The following MECOM variants were observed in gnomAD, a reference collection of about 807,000 sequenced individuals.
MECOM encodes the protein histone-lysine N-methyltransferase MECOM.
A neutral mutation model predicts 116.3 loss-of-function variants in MECOM; 13 were observed. The observed-to-expected ratio is 0.11, with a 90% CI of 0.07 to 0.18. MECOM has a LOEUF of 0.18. Ranked by LOEUF, MECOM falls within the 10% of genes least tolerant of loss-of-function variation. MECOM has a pLI of 1.00. For synonymous variants in MECOM, 528 were observed against 535.2 expected (o/e 0.99, Z 0.19); for missense variants, 1,299 against 1,509.0 (o/e 0.86, Z 2.31).
At chr3:169,227,927 C>T (rs1752936332) in intron 2 of MECOM, among the ~76,000 whole-genome samples, 1 of 152,096 alleles carries the variant, frequency 6.6e-6, no homozygotes, top group African/African-American at 2.4e-5. Context: ...CTGATGGGAA[C>T]CATTGTTTTC....
intron 2 of MECOM, among the ~76,000 whole-genome samples, chr3:169,347,755 G>A (rs1230828585): frequency 6.6e-6 from 1 of 152,048 alleles, no homozygotes; most frequent in Admixed American, 6.6e-5. Context: ...TAGAAATTCT[G>A]TGTGGATGAC....
chr3:169,319,684 T>C (rs1408173330), intron 2 of MECOM, among the ~76,000 whole-genome samples: 2 of 152,186 alleles, frequency 1.3e-5, no homozygotes, highest in South Asian at 2.1e-4. Flanking sequence ...ATTTTGGAAA[T>C]GAGAGTCTTA....
At chr3:169,313,320 A>T (rs1415410808) in intron 2 of MECOM, among the ~76,000 whole-genome samples, 3 of 152,322 alleles carry the variant, frequency 2.0e-5, no homozygotes, top group Admixed American at 2.0e-4. Flanking sequence ...TGCTCTAAAG[A>T]GGAGGAGAAA....
intron 2 of MECOM, among the ~76,000 whole-genome samples, chr3:169,378,461 GCAAGC>G (rs1731596245): frequency 6.3e-5 from 3 of 47,690 alleles, no homozygotes; most frequent in Non-Finnish European, 1.1e-4. Flanking sequence ...AGGAAAGCAA[GCAAGC>G]AAGCAAGCAA....
chr3:169,555,532 G>A (rs548019041), intron 1 of MECOM, among the ~76,000 whole-genome samples: 3 of 152,166 alleles, frequency 2.0e-5, no homozygotes, highest in Admixed American at 6.5e-5. Flanking sequence ...CCAAACAGGG[G>A]TCTAACAATG....
intron 13 of MECOM, among the ~76,000 whole-genome samples, chr3:169,093,339 A>T (rs1466075898): frequency 6.6e-6 from 1 of 152,178 alleles, no homozygotes; most frequent in Non-Finnish European, 1.5e-5. Context: ...CTCGCAAAGA[A>T]GGTGCTTCTC....
chr3:169,361,130 T>C (rs977231377), intron 2 of MECOM, among the ~76,000 whole-genome samples: 3 of 151,816 alleles, frequency 2.0e-5, no homozygotes, highest in Non-Finnish European at 2.9e-5. Flanking sequence ...GAACGCTTTA[T>C]GAAGGTTTAA....
Position 169,131,433 on chromosome 3 carries a change from G to T in MECOM, c.609C>A (p.Ile203=), listed in dbSNP as rs759913879. 1 of 1,613,676 alleles carries T rather than the reference G, an allele frequency of 6.2e-7. No homozygotes were observed. The highest frequency in any genetic ancestry group is 1.3e-5 in the African/African-American group (1 of 74,906). Residue 203 remains isoleucine, a synonymous_variant, in exon 4 of 17, where the codon ATC becomes ATA. Transcript: ENST00000651503. ...GGTGGCGTGAGTGGTACTAACCGTG[G>T]ATATCCGGCGCCATAGTTTCATGGG... The part of the protein sequence containing the change: ...DYPHETMAPD[I]HEERQYRCED...
At chr3:169,633,867 A>G (rs948409740) in intron 1 of MECOM, among the ~76,000 whole-genome samples, 1 of 151,280 alleles carries the variant, frequency 6.6e-6, no homozygotes, top group African/African-American at 2.4e-5. Flanking sequence ...AGAAAAAGGA[A>G]AAAGAAAGAG....
chr3:169,454,193 C>T (rs970416690), intron 1 of MECOM, among the ~76,000 whole-genome samples: 2 of 152,058 alleles, frequency 1.3e-5, no homozygotes, highest in Admixed American at 6.6e-5. Flanking sequence ...CAGTGCCAAG[C>T]GAGTAATTTG....
chr3:169,448,800 G>A lies in MECOM; in HGVS notation c.38-67276C>T, dbSNP rs138626224. Among the ~76,000 whole-genome samples, 557 of 152,140 alleles carry A rather than the reference G, an allele frequency of 3.7e-3. 2 individuals are homozygous for A. Among genetic ancestry groups the A allele is most frequent in the Non-Finnish European group, 6.3e-3 (429 of 67,972 alleles). On this transcript the variant is annotated intron_variant, in intron 1 of 16. Coordinates refer to ENST00000651503, the MANE Select transcript of MECOM (RefSeq NM_004991.4). ...AATAAATGAAAGAGATCAACTGTTC[G>A]GTGGTTTGAGGAGGGTGGAAAATCA...
At chr3:169,279,267 A>G (rs1759987905) in intron 2 of MECOM, among the ~76,000 whole-genome samples, 1 of 152,158 alleles carries the variant, frequency 6.6e-6, no homozygotes, top group African/African-American at 2.4e-5. Flanking sequence ...TGAGGTTTGA[A>G]TCATGCCTTT....
At chr3:169,194,513 T>G (rs1748151106) in intron 2 of MECOM, among the ~76,000 whole-genome samples, 1 of 152,054 alleles carries the variant, frequency 6.6e-6, no homozygotes, top group Non-Finnish European at 1.5e-5. Context: ...AGCTTGTTTG[T>G]AAACATCTTA....
chr3:169,237,610 CAAAAAAAAA>C (rs775383808), intron 2 of MECOM, among the ~76,000 whole-genome samples: 7 of 80,646 alleles, frequency 8.7e-5, no homozygotes, highest in Non-Finnish European at 9.9e-5. Context: ...GTCTCCATCA[CAAAAAAAAA>C]AAAAAAAAAA....
intron 1 of MECOM, among the ~76,000 whole-genome samples, chr3:169,435,848 A>G (rs932595764): frequency 1.3e-5 from 2 of 152,220 alleles, no homozygotes; most frequent in Admixed American, 6.5e-5. Context: ...CAATAGCAGT[A>G]AAGTGCCATT....
Position 169,116,621 on chromosome 3 carries a change from C to T in MECOM, c.1251G>A (p.Thr417=), listed in dbSNP as rs747734124. Residue 417 remains threonine, a synonymous_variant, in exon 8 of 17, where the codon ACG becomes ACA. Coordinates refer to ENST00000651503, the MANE Select transcript of MECOM (RefSeq NM_004991.4). ...ACCTCCTGTGTTTATTTAAGGAAGA[C>T]GTAGTGCTGAACATTTGTCCACAGT... ...CKDCGQMFST[T]SSLNKHRRFC... The T allele has an allele frequency of 6.8e-6, 11 of 1,614,156 alleles. No homozygotes were observed. The South Asian group carries it at 7.7e-5, about 11-fold the overall frequency.
At chr3:169,122,761 G>C in intron 5 of MECOM, 34 bp from the exon 6 acceptor site, 1 of 1,605,122 alleles carries the variant, frequency 6.2e-7, no homozygotes, top group Non-Finnish European at 8.5e-7. Flanking sequence ...AAAAGACAAA[G>C]GATGCATTCA....
At chr3:169,370,896 C>A (rs748194518) in intron 2 of MECOM, among the ~76,000 whole-genome samples, 2 of 151,828 alleles carry the variant, frequency 1.3e-5, no homozygotes, top group Non-Finnish European at 2.9e-5. Context: ...AAAAGGGGCT[C>A]TTTATATACT....
chr3:169,282,518 C>T (rs1489390816), intron 2 of MECOM, among the ~76,000 whole-genome samples: 5 of 152,086 alleles, frequency 3.3e-5, no homozygotes, highest in African/African-American at 7.2e-5. Flanking sequence ...ATTAAATAGA[C>T]CACTTTTATT....
Sources: gnomAD v4.1 joint callset for allele counts (sites outside exome capture counted in the v4.1 genomes callset) on GRCh38, gnomAD v4.1.1 for gene constraint, MANE v1.5 for transcripts, NCBI Gene and HGNC (gene_info 2026-07-23, HGNC 2026-07-21) for gene names.